Variants in FBXL14 observed in about 807,000 individuals in gnomAD.
FBXL14 encodes F-box and leucine rich repeat protein 14, also known as F-box/LRR-repeat protein 14.
In FBXL14, 11 loss-of-function variants were observed where a neutral mutation model predicts 24.5. The ratio of observed to expected loss-of-function variants is 0.45; its 90% CI spans 0.28 to 0.74. FBXL14 has a LOEUF of 0.74. FBXL14 is among the 30% of genes least tolerant of loss of function. The pLI is 0.12. For synonymous variants in FBXL14, 294 were observed against 240.4 expected, an observed-to-expected ratio of 1.22 and a Z score of -2.06; for missense variants, 384 against 545.6, an observed-to-expected ratio of 0.70 and a Z score of 2.95.
At chr12:1,583,458 G>A (rs1465988395) in intron 1 of FBXL14, among the ~76,000 whole-genome samples, 1 of 151,818 alleles carries the variant, frequency 6.6e-6, no homozygotes, top group East Asian at 1.9e-4. Context: ...AATAACACCT[G>A]GCTCTGGGGA....
chr12:1,566,954 C>T, intron 1 of FBXL14, 144 bp from the exon 2 acceptor site: 1 of 608,498 alleles, frequency 1.6e-6, no homozygotes, highest in South Asian at 1.9e-5. Flanking sequence ...CGCCAGCCCA[C>T]TCTAGCCATC....
At chr12:1,584,803 G>A (rs1164733301) in intron 1 of FBXL14, among the ~76,000 whole-genome samples, 1 of 152,206 alleles carries the variant, frequency 6.6e-6, no homozygotes, top group Non-Finnish European at 1.5e-5. Flanking sequence ...GTTTGCTTAA[G>A]ACACACGTAC....
chr12:1,582,227 G>GAGAAAGAA (rs150099977), intron 1 of FBXL14, among the ~76,000 whole-genome samples: 1 of 151,676 alleles, frequency 6.6e-6, no homozygotes, highest in Admixed American at 6.6e-5. Flanking sequence ...GAAAGAAAAA[G>GAGAAAGAA]AGAAAGAAAG....
Position 1,567,562 on chromosome 12 carries a change from A to AATG in FBXL14, c.1195-753_1195-752insCAT, listed in dbSNP as rs1450236033. Among the ~76,000 whole-genome samples, 1 of 152,204 alleles carries AATG rather than the reference A, an allele frequency of 6.6e-6. No individual in the cohort carries two copies. Among genetic ancestry groups the AATG allele is most frequent in the Admixed American group, 6.5e-5 (1 of 15,274 alleles). On this transcript the variant is annotated intron_variant, in intron 1 of 1. Coordinates refer to ENST00000339235, the MANE Select transcript of FBXL14 (RefSeq NM_152441.3). This position sits in a 1 kb window ranked among gnomAD's most constrained non-coding sequence, Gnocchi z 4.8. Reference sequence around the variant, plus strand: ...GTTGAAGGGACAGAGCAAGCTTCACAACCAGACTCAGAGACAGCAGGGATG... The same window carrying AATG: ...GTTGAAGGGACAGAGCAAGCTTCACAATGACCAGACTCAGAGACAGCAGGGATG...
intron 1 of FBXL14, among the ~76,000 whole-genome samples, chr12:1,591,808 T>G (rs1201258236): frequency 6.6e-6 from 1 of 152,122 alleles, no homozygotes; most frequent in Non-Finnish European, 1.5e-5. Flanking sequence ...GTGACCTTTT[T>G]GGGGGGAAAC....
intron 1 of FBXL14, among the ~76,000 whole-genome samples, chr12:1,592,342 T>G (rs532533848): frequency 3.3e-5 from 5 of 151,644 alleles, no homozygotes; most frequent in Non-Finnish European, 7.4e-5. Flanking sequence ...CAGAGTACTG[T>G]AAGAGGAGGA....
In FBXL14 at chr12:1,593,163, G is replaced by A; in HGVS notation, c.904C>T (p.Gln302Ter). 1 of 1,613,646 alleles carries A rather than the reference G, an allele frequency of 6.2e-7. No individual in the cohort carries two copies. The highest frequency in any genetic ancestry group is 8.5e-7 in the Non-Finnish European group (1 of 1,180,032). ...AGAGACTTGAGGCCATCCAGCCCCT[G>A]GGCTATGTAAGCCAGACTCTGGTCT... ...VGDQSLAYIA[Q>*]GLDGLKSLSL... Residue 302 changes from glutamine (Q) to a stop codon, truncating the protein, a stop_gained, in exon 1 of 2, where the codon CAG becomes TAG. Transcript: ENST00000339235. LOFTEE classifies it high-confidence loss of function. The surrounding 1 kb of genome is among the most constrained non-coding windows in gnomAD (Gnocchi z 7.4).
At chr12:1,578,497 C>T (rs1418470572) in intron 1 of FBXL14, among the ~76,000 whole-genome samples, 1 of 151,968 alleles carries the variant, frequency 6.6e-6, no homozygotes, top group Non-Finnish European at 1.5e-5. Flanking sequence ...AAAAATTAGC[C>T]AGGCATGATG....
Position 1,569,363 on chromosome 12 carries a change from C to G in FBXL14, c.1195-2553G>C, listed in dbSNP as rs955313181. Among the ~76,000 whole-genome samples, 1 of 151,772 alleles carries G rather than the reference C, an allele frequency of 6.6e-6. No individual in the cohort carries two copies. Among genetic ancestry groups the G allele is most frequent in the Non-Finnish European group, 1.5e-5 (1 of 67,946 alleles). On this transcript the variant is annotated intron_variant, in intron 1 of 1. Transcript: ENST00000339235. The surrounding 1 kb of genome is among the most constrained non-coding windows in gnomAD (Gnocchi z 4.2). ...CTTCCTTCTTCCCTCTTCAACCCCA[C>G]GCTCTCATATGCTAAATAAGAAACC...
chr12:1,575,456 T>C (rs528642269), intron 1 of FBXL14, among the ~76,000 whole-genome samples: 1 of 152,286 alleles, frequency 6.6e-6, no homozygotes, highest in Non-Finnish European at 1.5e-5. Flanking sequence ...CTGGGGTTAA[T>C]GGTTCCTTGA....
intron 1 of FBXL14, among the ~76,000 whole-genome samples, chr12:1,588,763 C>T (rs2094482029): frequency 6.6e-6 from 1 of 152,064 alleles, no homozygotes; most frequent in African/African-American, 2.4e-5. Context: ...TCAGCAAATA[C>T]CTGAACCAAG....
At position 1,578,446 on chromosome 12, in the gene FBXL14, G is replaced by GC. The variant is rs1254915567; in HGVS notation, c.1195-11637_1195-11636insG. ...ACCTGAGATCAGGAATTTGAGACCA[G>GC]TGTGGTCAACATGGTGAAACCCCAT... On this transcript the variant is annotated intron_variant, in intron 1 of 1. Coordinates refer to ENST00000339235, the MANE Select transcript of FBXL14 (RefSeq NM_152441.3). Among the ~76,000 whole-genome samples the GC allele has an allele frequency of 1.7e-3, 263 of 151,822 alleles. 2 individuals are homozygous for GC. Among genetic ancestry groups the GC allele is most frequent in the Admixed American group, 4.2e-3 (64 of 15,180 alleles).
intron 1 of FBXL14, among the ~76,000 whole-genome samples, chr12:1,575,964 T>C (rs1426737494): frequency 6.6e-6 from 1 of 152,174 alleles, no homozygotes; most frequent in African/African-American, 2.4e-5. Flanking sequence ...CCTGCCTGGA[T>C]GTGTGTTTTT....
chr12:1,593,829 G>T lies in FBXL14; in HGVS notation c.238C>A (p.Arg80Ser). ...CCCTGGATCACGTAGCTGAGGCTGC[G>T]GCGGAGGCTCAGGATCTGCACCCGG... ...IRRVQILSLR[R>S]SLSYVIQGMA... Residue 80 changes from arginine to serine, a missense_variant, in exon 1 of 2, where the codon CGC becomes AGC. Transcript: ENST00000339235. This position sits in a 1 kb window ranked among gnomAD's most constrained non-coding sequence, Gnocchi z 7.4. 6.2e-7 allele frequency: 1 copy of T among 1,614,034 alleles called. No homozygotes were observed. Among genetic ancestry groups the T allele is most frequent in the Non-Finnish European group, 8.5e-7 (1 of 1,179,990 alleles).
Position 1,593,389 on chromosome 12 carries a change from C to T in FBXL14, c.678G>A (p.Gly226=), listed in dbSNP as rs540327437. The change falls in exon 1 of 2, where the codon GGG becomes GGA. Residue 226 remains glycine (G), a synonymous_variant. Coordinates refer to ENST00000339235, the MANE Select transcript of FBXL14 (RefSeq NM_152441.3). This position sits in a 1 kb window ranked among gnomAD's most constrained non-coding sequence, Gnocchi z 7.4. ...TDLSLKHISR[G]LTGLRLLNLS... ...GGTTGAGGAGCCTCAGGCCCGTCAG[C>T]CCTCGGGAGATGTGCTTTAGAGAAA... 19 of 1,613,896 alleles carry T rather than the reference C, an allele frequency of 1.2e-5. No homozygotes were observed. The highest frequency in any genetic ancestry group is 1.6e-5 in the Non-Finnish European group (19 of 1,180,028).
intron 1 of FBXL14, among the ~76,000 whole-genome samples, chr12:1,591,599 G>A (rs767890034): frequency 5.3e-5 from 8 of 152,130 alleles, no homozygotes; most frequent in Non-Finnish European, 8.8e-5. Flanking sequence ...CTACTCAGAA[G>A]TGATTTCTTT....
At chr12:1,589,607 G>C in intron 1 of FBXL14, among the ~76,000 whole-genome samples, 1 of 152,148 alleles carries the variant, frequency 6.6e-6, no homozygotes, top group African/African-American at 2.4e-5. Context: ...GATAATACCT[G>C]TTTCAGCAGG....
At chr12:1,592,485 C>T (rs1291375588) in intron 1 of FBXL14, among the ~76,000 whole-genome samples, 1 of 152,090 alleles carries the variant, frequency 6.6e-6, no homozygotes, top group Non-Finnish European at 1.5e-5. Flanking sequence ...TGAAAGCAGA[C>T]ATTTTCCTCA....
In FBXL14 at chr12:1,594,386, G is replaced by A. The variant is rs1156817116; in HGVS notation, c.-320C>T. Among the ~76,000 whole-genome samples the A allele has an allele frequency of 6.9e-6, 1 of 145,834 alleles. No individual in the cohort carries two copies. The highest frequency in any genetic ancestry group is 1.5e-5 in the Non-Finnish European group (1 of 65,694). Reference sequence around the variant, plus strand: ...GGAGGCCGGCCGCCGCCGCCGCCTCGGCTCTACCCACGCCGCGCCCGGGCC... The same window carrying A: ...GGAGGCCGGCCGCCGCCGCCGCCTCAGCTCTACCCACGCCGCGCCCGGGCC... On this transcript the variant is annotated 5_prime_UTR_variant, in exon 1 of 2. Coordinates refer to ENST00000339235, the MANE Select transcript of FBXL14 (RefSeq NM_152441.3).
Sources: allele counts gnomAD v4.1 joint callset (sites outside exome capture counted in the v4.1 genomes callset), GRCh38; gene constraint gnomAD v4.1.1; non-coding constraint Gnocchi (gnomAD v3.1); transcripts MANE v1.5; gene names NCBI Gene and HGNC (gene_info 2026-07-23, HGNC 2026-07-21).